GRM7: variants seen among roughly 807,000 people sequenced by gnomAD.
GRM7 encodes the protein glutamate metabotropic receptor 7, also known as metabotropic glutamate receptor 7.
In GRM7, 35 loss-of-function variants were observed where a neutral mutation model predicts 84.5. The ratio of observed to expected loss-of-function variants is 0.41; its 90% CI spans 0.32 to 0.55. GRM7 has a LOEUF of 0.55. GRM7 is among the 20% of genes least tolerant of loss of function. The pLI, the probability that GRM7 is intolerant of heterozygous loss-of-function variation, is 0.19. For missense variants in GRM7, 1,003 were observed against 1,194.6 expected, an observed-to-expected ratio of 0.84 and a Z score of 2.36; for synonymous variants, 487 against 455.1, an observed-to-expected ratio of 1.07 and a Z score of -0.89.
chr3:6,872,956 A>G (rs1412075689), intron 1 of GRM7, among the ~76,000 whole-genome samples: 1 of 152,200 alleles, frequency 6.6e-6, no homozygotes, highest in East Asian at 1.9e-4. Flanking sequence ...AGAATGATTT[A>G]TAATCCTCTG....
intron 2 of GRM7, among the ~76,000 whole-genome samples, chr3:7,278,171 A>G (rs1476227302): frequency 6.6e-6 from 1 of 152,102 alleles, no homozygotes; most frequent in African/African-American, 2.4e-5. Context: ...AGATATACTC[A>G]AAACTATAAA....
At chr3:7,521,567 C>A (rs150157043) in intron 7 of GRM7, among the ~76,000 whole-genome samples, 5 of 152,126 alleles carry the variant, frequency 3.3e-5, no homozygotes, top group African/African-American at 1.2e-4. Flanking sequence ...TTTGGACTTC[C>A]CAACCTTTGG....
At chr3:7,325,131 C>T (rs1233312142) in intron 4 of GRM7, among the ~76,000 whole-genome samples, 2 of 152,132 alleles carry the variant, frequency 1.3e-5, no homozygotes, top group African/African-American at 4.8e-5. Context: ...ACAAGAGCCC[C>T]TCAACTGTCT....
At chr3:7,362,254 G>A (rs917822352) in intron 4 of GRM7, among the ~76,000 whole-genome samples, 16 of 152,038 alleles carry the variant, frequency 1.1e-4, no homozygotes, top group Non-Finnish European at 2.2e-4. Flanking sequence ...ACTCCAGTAA[G>A]AGAGGAGAAA....
In GRM7 at chr3:7,311,269, A is replaced by G. The variant is rs142049437; in HGVS notation, c.1033+4617A>G. 2.9e-3 allele frequency among the ~76,000 whole-genome samples: 444 copies of G among 152,318 alleles called. 3 individuals are homozygous for G. The highest frequency in any genetic ancestry group is 0.01 in the African/African-American group (418 of 41,572). On this transcript the variant is annotated intron_variant, in intron 4 of 9. Coordinates refer to ENST00000357716, the MANE Select transcript of GRM7 (RefSeq NM_000844.4). ...GACAACTTCTTCTACAGGAAGAATG[A>G]TAAAATGAGCCAGATCCAGTAAATA...
chr3:7,671,272 T>C (rs984183145), intron 8 of GRM7, among the ~76,000 whole-genome samples: 9 of 152,032 alleles, frequency 5.9e-5, no homozygotes, highest in Non-Finnish European at 8.8e-5. Context: ...TGCAGCTTAT[T>C]AGGATGGCAT....
Position 6,970,246 on chromosome 3 carries a change from T to G in GRM7, c.519+108339T>G, listed in dbSNP as rs920276421. On this transcript the variant is annotated intron_variant, in intron 1 of 9. Transcript: ENST00000357716. ...CTTCCGATCTACAGGTTGCAGCTAATGTTTAAGTGTCTGCAGTATAATTAG... is the reference window on the plus strand; with the variant it reads ...CTTCCGATCTACAGGTTGCAGCTAAGGTTTAAGTGTCTGCAGTATAATTAG... Among the ~76,000 whole-genome samples the G allele has an allele frequency of 3.3e-5, 5 of 152,184 alleles. No individual in the cohort carries two copies. In the South Asian group the frequency reaches 1.0e-3, roughly 31 times the overall value.
chr3:7,336,317 A>C (rs1236711635), intron 4 of GRM7, among the ~76,000 whole-genome samples: 2 of 151,992 alleles, frequency 1.3e-5, no homozygotes, highest in African/African-American at 4.8e-5. Context: ...AATTGCAAAA[A>C]AAAAGCACTT....
At position 7,042,002 on chromosome 3, in the gene GRM7, A is replaced by G. The variant is rs1696639270; in HGVS notation, c.520-104450A>G. Among the ~76,000 whole-genome samples, 5 of 152,314 alleles carry G rather than the reference A, an allele frequency of 3.3e-5. No homozygotes were observed. The South Asian group carries it at 8.3e-4, about 25-fold the overall frequency. On this transcript the variant is annotated intron_variant, in intron 1 of 9. Transcript: ENST00000357716. ...AGCTATCAGATAGCTGAGCACATGGAGTCTCCTGAAGGGTGGTATGCCTGG... is the reference window on the plus strand; with the variant it reads ...AGCTATCAGATAGCTGAGCACATGGGGTCTCCTGAAGGGTGGTATGCCTGG...
chr3:7,021,685 T>A (rs1170671038), intron 1 of GRM7, among the ~76,000 whole-genome samples: 1 of 152,240 alleles, frequency 6.6e-6, no homozygotes, highest in Non-Finnish European at 1.5e-5. Flanking sequence ...TGTCTTTGCT[T>A]CTTAATATGG....
intron 5 of GRM7, among the ~76,000 whole-genome samples, chr3:7,447,177 C>T (rs116531160): frequency 2.0e-5 from 3 of 151,908 alleles, no homozygotes; most frequent in South Asian, 2.1e-4. Context: ...TCCTAGAAAA[C>T]GTGATGAAAA....
intron 7 of GRM7, among the ~76,000 whole-genome samples, chr3:7,471,661 T>C (rs999749565): frequency 4.6e-5 from 7 of 152,190 alleles, no homozygotes; most frequent in African/African-American, 1.7e-4. Context: ...TTCAAGATAA[T>C]CTCTCTACTT....
At chr3:7,365,279 T>C (rs1375562906) in intron 4 of GRM7, among the ~76,000 whole-genome samples, 1 of 151,784 alleles carries the variant, frequency 6.6e-6, no homozygotes, top group Non-Finnish European at 1.5e-5. Flanking sequence ...AATTGACATA[T>C]TGTATAAATT....
intron 5 of GRM7, among the ~76,000 whole-genome samples, chr3:7,424,409 T>C (rs1696519627): frequency 6.6e-6 from 1 of 152,206 alleles, no homozygotes; most frequent in Admixed American, 6.5e-5. Flanking sequence ...CTTAAATACC[T>C]GTTGCCTTAT....
chr3:6,991,858 T>C (rs200301617), intron 1 of GRM7, among the ~76,000 whole-genome samples: 1 of 152,218 alleles, frequency 6.6e-6, no homozygotes, highest in South Asian at 2.1e-4. Flanking sequence ...GTCACTATGC[T>C]GTACGTTAGA....
At chr3:7,240,706 C>G (rs553738468) in intron 2 of GRM7, among the ~76,000 whole-genome samples, 4 of 152,274 alleles carry the variant, frequency 2.6e-5, no homozygotes, top group African/African-American at 7.2e-5. Flanking sequence ...TTCCCTCCCC[C>G]TCTTCCACAT....
intron 2 of GRM7, among the ~76,000 whole-genome samples, chr3:7,236,483 G>A (rs149797756): frequency 2.1e-4 from 32 of 152,266 alleles, no homozygotes; most frequent in Non-Finnish European, 4.6e-4. Flanking sequence ...TCCATCAAAA[G>A]CTGAAGTTTT....
intron 1 of GRM7, among the ~76,000 whole-genome samples, chr3:7,120,455 G>A (rs1421856805): frequency 6.6e-6 from 1 of 152,060 alleles, no homozygotes; most frequent in Non-Finnish European, 1.5e-5. Context: ...CAATAAACTT[G>A]TTATAGAAAT....
chr3:7,238,623 G>A (rs1697431275), intron 2 of GRM7, among the ~76,000 whole-genome samples: 1 of 152,080 alleles, frequency 6.6e-6, no homozygotes, highest in South Asian at 2.1e-4. Context: ...TAAAGGAATT[G>A]CCTAAAGCCA....
Sources: gnomAD v4.1 joint callset for allele counts (sites outside exome capture counted in the v4.1 genomes callset) on GRCh38, gnomAD v4.1.1 for gene constraint, MANE v1.5 for transcripts, NCBI Gene and HGNC (gene_info 2026-07-23, HGNC 2026-07-21) for gene names.